Variants in TRDN observed in about 807,000 individuals in gnomAD.
TRDN encodes the protein triadin.
In TRDN, 161 loss-of-function variants were observed where a neutral mutation model predicts 149.7. That is an observed-to-expected ratio of 1.08 (90% CI 0.95 to 1.23). The LOEUF is 1.23. TRDN is among the 50% of genes most tolerant of loss of function. The pLI, the probability that TRDN is intolerant of heterozygous loss-of-function variation, is 0.00. For synonymous variants in TRDN, 294 were observed against 250.5 expected (o/e 1.17, Z -1.64); for missense variants, 896 against 823.5 (o/e 1.09, Z -1.08).
At chr6:123,227,749 GTT>G (rs60429721) in intron 38 of TRDN, among the ~76,000 whole-genome samples, 48,548 of 150,694 alleles carry the variant, frequency 0.32, 7,904 homozygotes, top group South Asian at 0.35. Flanking sequence ...TTGTTTGTTT[GTT>G]TTTGTTTGTT....
At chr6:123,286,300 G>T (rs1286613220) in intron 24 of TRDN, among the ~76,000 whole-genome samples, 1 of 152,016 alleles carries the variant, frequency 6.6e-6, no homozygotes, top group Non-Finnish European at 1.5e-5. Flanking sequence ...ATGAGTTGAT[G>T]AAGAAATTGT....
At chr6:123,592,362 A>T (rs1209406243) in intron 1 of TRDN, among the ~76,000 whole-genome samples, 1 of 152,158 alleles carries the variant, frequency 6.6e-6, no homozygotes, top group Non-Finnish European at 1.5e-5. Context: ...CATCTAAAGG[A>T]GGTTAAAAAA....
rs113813016 is a variant in TRDN, at chr6:123,351,347, T to A, written c.1369+1192A>T. On this transcript the variant is annotated intron_variant, in intron 21 of 40. Coordinates refer to ENST00000334268, the MANE Select transcript of TRDN (RefSeq NM_006073.4). Reference sequence around the variant, plus strand: ...ATCAGGGATAATTACCTTTATTTTTTAAAAAAATAAATTTAGACTCAGGAA... The same window carrying A: ...ATCAGGGATAATTACCTTTATTTTTAAAAAAAATAAATTTAGACTCAGGAA... The A allele has an allele frequency of 1.5e-4, 143 of 975,298 alleles. 1 individual carries two copies. Among genetic ancestry groups the A allele is most frequent in the East Asian group, 3.4e-4 (3 of 8,752 alleles). The allele number at this position is 975,298 out of a possible 1,614,324, so 60.4% of individuals were successfully genotyped here. A position where few individuals can be genotyped will look rare whatever the true frequency, so the allele number is the denominator to read the frequency against.
At chr6:123,389,214 T>C (rs1782017292) in intron 13 of TRDN, among the ~76,000 whole-genome samples, 1 of 152,062 alleles carries the variant, frequency 6.6e-6, no homozygotes, top group South Asian at 2.1e-4. Flanking sequence ...CCAGAAATAT[T>C]TGGGAGAGGT....
intron 19 of TRDN, among the ~76,000 whole-genome samples, chr6:123,370,580 G>A (rs1781286838): frequency 6.6e-6 from 1 of 151,976 alleles, no homozygotes; most frequent in African/African-American, 2.4e-5. Flanking sequence ...TTGCACATGT[G>A]CAATAATTTT....
At chr6:123,328,092 A>G (rs1026292412) in intron 23 of TRDN, among the ~76,000 whole-genome samples, 1 of 152,202 alleles carries the variant, frequency 6.6e-6, no homozygotes, top group Admixed American at 6.5e-5. Context: ...TGTTATAATA[A>G]TCTTCAAACA....
intron 29 of TRDN, 52 bp downstream of exon 29, chr6:123,272,912 A>G: frequency 7.7e-7 from 1 of 1,294,666 alleles, no homozygotes; most frequent in Non-Finnish European, 1.1e-6. Flanking sequence ...CTTCTGCTAA[A>G]ATTAGAACAT....
chr6:123,360,703 A>AAG (rs930420318), intron 20 of TRDN, among the ~76,000 whole-genome samples: 10 of 114,340 alleles, frequency 8.7e-5, no homozygotes, highest in African/African-American at 3.1e-4. Flanking sequence ...GACAGAGAGA[A>AAG]AGAGAGAGAG....
At chr6:123,411,349 T>C (rs1252379979) in intron 12 of TRDN, among the ~76,000 whole-genome samples, 1 of 152,092 alleles carries the variant, frequency 6.6e-6, no homozygotes, top group East Asian at 1.9e-4. Context: ...CCAGCCTGAA[T>C]AACTACTTTC....
intron 4 of TRDN, among the ~76,000 whole-genome samples, chr6:123,534,300 G>A (rs1414639200): frequency 6.6e-6 from 1 of 152,120 alleles, no homozygotes; most frequent in African/African-American, 2.4e-5. Context: ...TATTTGCTCA[G>A]GAAGACAAAA....
intron 1 of TRDN, among the ~76,000 whole-genome samples, chr6:123,578,954 C>T (rs1782988014): frequency 1.3e-5 from 2 of 152,038 alleles, no homozygotes; most frequent in Admixed American, 1.3e-4. Context: ...GTCAGCTTGG[C>T]TGTTGTTGGT....
chr6:123,291,293 G>A (rs759879625), intron 24 of TRDN, among the ~76,000 whole-genome samples: 4 of 151,786 alleles, frequency 2.6e-5, no homozygotes, highest in Non-Finnish European at 4.4e-5. Context: ...GGCTGGGTGC[G>A]GTGGATCACG....
chr6:123,425,342 G>A (rs1270282228), intron 12 of TRDN, among the ~76,000 whole-genome samples: 2 of 151,138 alleles, frequency 1.3e-5, no homozygotes, highest in African/African-American at 2.4e-5. Context: ...AAGTCTACTG[G>A]ATATTTAAAT....
intron 1 of TRDN, among the ~76,000 whole-genome samples, chr6:123,625,109 T>G (rs1166233195): frequency 2.6e-5 from 4 of 151,864 alleles, no homozygotes; most frequent in Non-Finnish European, 4.4e-5. Context: ...AAATGTACTC[T>G]TGATCTCCTT....
rs540444595 is a variant in TRDN, at chr6:123,398,061, G to A, written c.1052-4384C>T. ...ACTCCGTCGCCCAGGCTGGCGTGCA[G>A]TGGCACGATCTTGGCTCACTGCAAC... On this transcript the variant is annotated intron_variant, in intron 12 of 40. Coordinates refer to ENST00000334268, the MANE Select transcript of TRDN (RefSeq NM_006073.4). Among the ~76,000 whole-genome samples the A allele has an allele frequency of 3.9e-5, 6 of 152,346 alleles. No individual in the cohort carries two copies. In the South Asian group the frequency reaches 1.2e-3, roughly 32 times the overall value.
At chr6:123,401,012 C>T (rs750477304) in intron 12 of TRDN, among the ~76,000 whole-genome samples, 6 of 152,190 alleles carry the variant, frequency 3.9e-5, no homozygotes, top group East Asian at 1.9e-4. Flanking sequence ...GCAGCCATCC[C>T]GAAATGTTAT....
At chr6:123,497,881 G>A (rs1778516347) in intron 8 of TRDN, among the ~76,000 whole-genome samples, 2 of 152,192 alleles carry the variant, frequency 1.3e-5, no homozygotes, top group East Asian at 1.9e-4. Context: ...ATCATCTTAT[G>A]ATCTTGACTA....
chr6:123,426,526 C>T (rs1229633852), intron 12 of TRDN, among the ~76,000 whole-genome samples: 1 of 152,124 alleles, frequency 6.6e-6, no homozygotes, highest in Non-Finnish European at 1.5e-5. Flanking sequence ...GAAGACAGCC[C>T]AAGTGGTTTA....
intron 1 of TRDN, among the ~76,000 whole-genome samples, chr6:123,610,173 T>C (rs1390927997): frequency 1.3e-5 from 2 of 152,182 alleles, no homozygotes; most frequent in African/African-American, 4.8e-5. Flanking sequence ...ACAAGTGCCA[T>C]GTCTAATGAT....
Sources: allele counts gnomAD v4.1 joint callset (sites outside exome capture counted in the v4.1 genomes callset), GRCh38; gene constraint gnomAD v4.1.1; transcripts MANE v1.5; gene names NCBI Gene and HGNC (gene_info 2026-07-23, HGNC 2026-07-21).